Variants in GRHL3 observed in about 807,000 individuals in gnomAD.
The protein encoded by GRHL3 is grainyhead-like protein 3 homolog.
In GRHL3, 20 loss-of-function variants were observed where a neutral mutation model predicts 70.3. That is an observed-to-expected ratio of 0.28 (90% confidence interval 0.20 to 0.41). GRHL3 has a LOEUF of 0.41. Among genes scored for constraint, GRHL3 ranks in the 10% least tolerant of loss-of-function variants. GRHL3 has a pLI of 1.00. For missense variants in GRHL3, 637 were observed against 762.3 expected (o/e 0.84, Z 1.94); for synonymous variants, 299 against 299.9 (o/e 1.00, Z 0.03).
chr1:24,349,952 T>C (rs1014201260), intron 14 of GRHL3, 106 bp from the exon 15 acceptor site: 9 of 759,968 alleles, frequency 1.2e-5, no homozygotes, highest in Middle Eastern at 4.7e-4. Flanking sequence ...ACAATATGCA[T>C]ATGTTTTACT....
At chr1:24,344,283 T>C (rs758893611) in intron 11 of GRHL3, among the ~76,000 whole-genome samples, 10 of 152,196 alleles carry the variant, frequency 6.6e-5, no homozygotes, top group South Asian at 2.1e-4. Flanking sequence ...CAAGACTGAC[T>C]GATGCCTGCC....
chr1:24,331,654 G>T, intron 2 of GRHL3, 42 bp downstream of exon 2: 1 of 1,557,466 alleles, frequency 6.4e-7, no homozygotes, highest in Non-Finnish European at 8.8e-7. Context: ...TTGACTGAAT[G>T]GGTGTCTTCA....
Position 24,354,648 on chromosome 1 carries a change from G to C in GRHL3, c.*160G>C. 1.7e-6 allele frequency: 1 copy of C among 582,056 alleles called. No individual in the cohort carries two copies. Among genetic ancestry groups the C allele is most frequent in the Non-Finnish European group, 3.1e-6 (1 of 324,194 alleles). 36.1% of individuals were successfully genotyped at this position (582,056 alleles called of 1,614,324 possible). A position where few individuals can be genotyped will look rare whatever the true frequency, so the allele number is the denominator to read the frequency against. ...ACAGACCCACAGACGTCAGGGCCAG[G>C]GAGAGACCTAGGGGGTCCCCTGGCC... On this transcript the variant is annotated 3_prime_UTR_variant, in exon 16 of 16. Coordinates refer to ENST00000361548, the MANE Select transcript of GRHL3 (RefSeq NM_198173.3).
rs559837577 is a variant in GRHL3 at position 24,328,619 on chromosome 1, C to A, written c.18-2807C>A. On this transcript the variant is annotated intron_variant, in intron 1 of 15. Transcript: ENST00000361548. The stretch of plus-strand genomic sequence containing the variant: ...CATCAAAGCTGATAATGGTCAACCC[C>A]TAGAGTCAGCAGATTGGGGCTCCAG... 1.0e-3 allele frequency among the ~76,000 whole-genome samples: 153 copies of A among 152,316 alleles called. 1 individual carries two copies. The highest frequency in any genetic ancestry group is 3.6e-3 in the African/African-American group (148 of 41,580).
At chr1:24,331,361 C>T (rs960211975) in intron 1 of GRHL3, 65 bp from the exon 2 acceptor site, 67 of 1,434,336 alleles carry the variant, frequency 4.7e-5, no homozygotes, top group African/African-American at 2.3e-4. Context: ...CGTTGGCCTG[C>T]GGCTGCCCAT....
At chr1:24,346,101 C>T (rs571180839) in intron 12 of GRHL3, among the ~76,000 whole-genome samples, 3 of 152,110 alleles carry the variant, frequency 2.0e-5, no homozygotes, top group Non-Finnish European at 4.4e-5. Flanking sequence ...TGTCTTACTC[C>T]AAAGCCCCCA....
In GRHL3 at chr1:24,337,687, C is replaced by A; in HGVS notation, c.738C>A (p.Gly246=). 6 of 1,614,174 alleles carry A rather than the reference C, an allele frequency of 3.7e-6. No individual in the cohort carries two copies. Among genetic ancestry groups the A allele is most frequent in the Non-Finnish European group, 5.1e-6 (6 of 1,180,036 alleles). The change falls in exon 6 of 16, where the codon GGC becomes GGA. Residue 246 remains glycine (G), a synonymous_variant. Coordinates refer to ENST00000361548, the MANE Select transcript of GRHL3 (RefSeq NM_198173.3). ...GSPKAIHIKS[G]ESPMAYLNKG... is the part of the protein sequence containing the mutation. ...CCAAAGCCATCCACATCAAGTCAGG[C>A]GAGTCACCCATGGCCTACCTCAACA... is the stretch of plus-strand genomic sequence containing the variant.
At chr1:24,349,291 C>T (rs1392213542) in intron 14 of GRHL3, among the ~76,000 whole-genome samples, 2 of 152,188 alleles carry the variant, frequency 1.3e-5, no homozygotes, top group Admixed American at 6.5e-5. Context: ...CCAACATTTT[C>T]GGATGTGACG....
At chr1:24,358,551 C>A, downstream of GRHL3, 1 of 1,613,622 alleles carries the variant, frequency 6.2e-7, no homozygotes, top group Non-Finnish European at 8.5e-7. Context: ...CCCTACAGAA[C>A]CGGGATCCAT....
chr1:24,336,215 G>GTT (rs57566921), intron 3 of GRHL3, among the ~76,000 whole-genome samples: 5 of 142,502 alleles, frequency 3.5e-5, no homozygotes, highest in Admixed American at 7.1e-5. Flanking sequence ...AACTTTCAGG[G>GTT]TTTTTTTTTT....
rs11249094 is a variant in GRHL3 at position 24,361,182 on chromosome 1, C to T, written c.1695-3003C>T. 1,032 of 711,488 alleles carry T rather than the reference C, an allele frequency of 1.5e-3. 19 individuals are homozygous for T. Among genetic ancestry groups the T allele is most frequent in the South Asian group, 0.014 (550 of 39,602 alleles). The allele number at this position is 711,488 out of a possible 1,614,324, so 44.1% of individuals were successfully genotyped here. On this transcript the variant is annotated intron_variant, in intron 15 of 15. Transcript: ENST00000350501. Reference sequence around the variant, plus strand: ...CGGCACTGGGGCAGAGCCCTAGCTCCACTGGTAGTGAGCTGGGGACCCCTG... The same window carrying T: ...CGGCACTGGGGCAGAGCCCTAGCTCTACTGGTAGTGAGCTGGGGACCCCTG...
chr1:24,351,407 G>A (rs1187612978), intron 15 of GRHL3, among the ~76,000 whole-genome samples: 2 of 136,484 alleles, frequency 1.5e-5, no homozygotes, highest in Non-Finnish European at 3.0e-5. Flanking sequence ...CTGGGAAGGG[G>A]GTTTTTTTTG....
intron 15 of GRHL3, among the ~76,000 whole-genome samples, chr1:24,354,017 G>C (rs964034929): frequency 1.3e-5 from 2 of 152,136 alleles, no homozygotes; most frequent in African/African-American, 4.8e-5. Context: ...CTTCATGTCC[G>C]AGTCCTCAAT....
Position 24,354,509 on chromosome 1 carries a change from C to T in GRHL3, c.*21C>T, listed in dbSNP as rs1640640736. 2.0e-6 allele frequency: 3 copies of T among 1,486,896 alleles called. No individual in the cohort carries two copies. Among genetic ancestry groups the T allele is most frequent in the Non-Finnish European group, 1.9e-6 (2 of 1,064,504 alleles). 92.1% of individuals were successfully genotyped at this position (1,486,896 alleles called of 1,614,324 possible). A position where few individuals can be genotyped will look rare whatever the true frequency, so the allele number is the denominator to read the frequency against. On this transcript the variant is annotated 3_prime_UTR_variant, in exon 16 of 16. Coordinates refer to ENST00000361548, the MANE Select transcript of GRHL3 (RefSeq NM_198173.3). ...TGTAAGGCCTCTCGAGCATCCAAAC[C>T]CTCACGACCTGCAAGGGGCCAGCAG...
Position 24,334,872 on chromosome 1 carries a change from G to C in GRHL3, c.266+166G>C, listed in dbSNP as rs138131108. ...GTTTTCATTTATTTTAAAATTAAAA[G>C]AAAAAAATCAATATAATCCAACTTG... is the stretch of plus-strand genomic sequence containing the variant. On this transcript the variant is annotated intron_variant, in intron 3 of 15. Transcript: ENST00000361548. The surrounding 1 kb of genome is among the most constrained non-coding windows in gnomAD (Gnocchi z 4.3). 1.8e-4 allele frequency among the ~76,000 whole-genome samples: 28 copies of C among 152,064 alleles called. No homozygotes were observed. Among genetic ancestry groups the C allele is most frequent in the African/African-American group, 6.3e-4 (26 of 41,482 alleles).
chr1:24,328,492 C>T (rs1239169946), intron 1 of GRHL3, among the ~76,000 whole-genome samples: 1 of 152,200 alleles, frequency 6.6e-6, no homozygotes, highest in African/African-American at 2.4e-5. Flanking sequence ...GCCAAGAGAC[C>T]CACCCAGGTG....
chr1:24,344,838 C>A, intron 11 of GRHL3, 59 bp from the exon 12 acceptor site: 1 of 1,604,004 alleles, frequency 6.2e-7, no homozygotes, highest in Admixed American at 1.7e-5. Flanking sequence ...CTCCAGCAGC[C>A]AGGGGCTCCT....
At chr1:24,331,825 C>T (rs1419190183) in intron 2 of GRHL3, among the ~76,000 whole-genome samples, 2 of 152,234 alleles carry the variant, frequency 1.3e-5, no homozygotes, top group Non-Finnish European at 2.9e-5. Flanking sequence ...CATTCATTCA[C>T]TGGAGAGGAG....
Position 24,354,550 on chromosome 1 carries a change from C to G in GRHL3, c.*62C>G, listed in dbSNP as rs2148669382. 2 of 984,296 alleles carry G rather than the reference C, an allele frequency of 2.0e-6. No homozygotes were observed. Among genetic ancestry groups the G allele is most frequent in the Middle Eastern group, 2.4e-4 (1 of 4,112 alleles). The allele number at this position is 984,296 out of a possible 1,614,324, so 61.0% of individuals were successfully genotyped here. On this transcript the variant is annotated 3_prime_UTR_variant, in exon 16 of 16. Coordinates refer to ENST00000361548, the MANE Select transcript of GRHL3 (RefSeq NM_198173.3). Reference sequence around the variant, plus strand: ...GGGCCAGCAGGGACGTGGCCCCACGCCACACACAACCTCTCCACATGCCTC... The same window carrying G: ...GGGCCAGCAGGGACGTGGCCCCACGGCACACACAACCTCTCCACATGCCTC...
Sources: allele counts gnomAD v4.1 joint callset (sites outside exome capture counted in the v4.1 genomes callset), GRCh38; gene constraint gnomAD v4.1.1; non-coding constraint Gnocchi (gnomAD v3.1); transcripts MANE v1.5; gene names NCBI Gene and HGNC (gene_info 2026-07-23, HGNC 2026-07-21).